Variants in SVIL observed in about 807,000 individuals in gnomAD.
The protein encoded by SVIL is supervillin.
In SVIL, 101 loss-of-function variants were observed where a neutral mutation model predicts 240.4. The observed-to-expected ratio is 0.42, with a 90% confidence interval of 0.36 to 0.50. The LOEUF is 0.50. Among genes scored for constraint, SVIL ranks in the 20% least tolerant of loss-of-function variants. The pLI is 0.01. For missense variants in SVIL, 2,512 were observed against 2,818.7 expected, an observed-to-expected ratio of 0.89 and a Z score of 2.46; for synonymous variants, 999 against 1,100.0, an observed-to-expected ratio of 0.91 and a Z score of 1.82.
At chr10:29,618,394 C>T (rs1325149936) in intron 1 of SVIL, among the ~76,000 whole-genome samples, 1 of 152,180 alleles carries the variant, frequency 6.6e-6, no homozygotes, top group African/African-American at 2.4e-5. Flanking sequence ...CAATATGACA[C>T]CCTGCTGAAG....
intron 1 of SVIL, among the ~76,000 whole-genome samples, chr10:29,731,464 C>A (rs1176251815): frequency 6.6e-6 from 1 of 152,190 alleles, no homozygotes; most frequent in African/African-American, 2.4e-5. Flanking sequence ...TCTGGAGACA[C>A]ATTGTAACTT....
Position 29,484,635 on chromosome 10 carries a change from C to A in SVIL, c.4955+21G>T, listed in dbSNP as rs1270352038. Reference sequence around the variant, plus strand: ...GAATCAGCTCGCTTGAAGAGCTGTCCCCGGGCGGCGGCAGGAGTACCTGGG... The same window carrying A: ...GAATCAGCTCGCTTGAAGAGCTGTCACCGGGCGGCGGCAGGAGTACCTGGG... On this transcript the variant is annotated intron_variant, in intron 27 of 37. Transcript: ENST00000355867. This position sits in a 1 kb window ranked among gnomAD's most constrained non-coding sequence, Gnocchi z 4.7. 2 of 1,600,452 alleles carry A rather than the reference C, an allele frequency of 1.2e-6. No homozygotes were observed.
chr10:29,716,392 C>A (rs1963612496), intron 1 of SVIL, among the ~76,000 whole-genome samples: 1 of 151,972 alleles, frequency 6.6e-6, no homozygotes, highest in African/African-American at 2.4e-5. Context: ...AGCCTTAGGA[C>A]TGATACAAAA....
At chr10:29,637,388 A>T (rs1245460047), upstream of SVIL, among the ~76,000 whole-genome samples, 1 of 152,064 alleles carries the variant, frequency 6.6e-6, no homozygotes, top group African/African-American at 2.4e-5. Context: ...TAGGGAGGCT[A>T]AGGCAGGAGC....
chr10:29,486,126 A>G lies in SVIL; in HGVS notation c.4738T>C (p.Trp1580Arg). ...AGGGAGCACTTCGGAATTTTCCCCCAGTAGTCGTCATCAGGAACAAGTTTG... is the reference window on the plus strand; with the variant it reads ...AGGGAGCACTTCGGAATTTTCCCCCGGTAGTCGTCATCAGGAACAAGTTTG... ...DDKLVPDDDYWGKIPKCSLLQ... is the reference protein window; with the variant it reads ...DDKLVPDDDYRGKIPKCSLLQ... The change falls in exon 26 of 38, where the codon TGG (tryptophan) becomes CGG (arginine). Residue 1580 changes from tryptophan to arginine, a missense_variant. Coordinates refer to ENST00000355867, the MANE Select transcript of SVIL (RefSeq NM_021738.3). The G allele has an allele frequency of 6.2e-7, 1 of 1,614,224 alleles. No homozygotes were observed. The highest frequency in any genetic ancestry group is 8.5e-7 in the Non-Finnish European group (1 of 1,180,036).
chr10:29,575,217 C>A (rs191079452), intron 1 of SVIL: 1 of 154,234 alleles, frequency 6.5e-6, no homozygotes, highest in African/African-American at 2.4e-5. Context: ...ATGTGGTGTC[C>A]AGTCCACTTT....
At chr10:29,526,713 T>C (rs1479966407) in intron 13 of SVIL, among the ~76,000 whole-genome samples, 1 of 152,204 alleles carries the variant, frequency 6.6e-6, no homozygotes, top group South Asian at 2.1e-4. Flanking sequence ...AGCAACTGGA[T>C]ACGTGAGTTA....
intron 17 of SVIL, among the ~76,000 whole-genome samples, chr10:29,510,320 A>G (rs1460703415): frequency 6.6e-6 from 1 of 152,174 alleles, no homozygotes; most frequent in African/African-American, 2.4e-5. Context: ...GACATCCTTT[A>G]TCGTACTTTT....
At chr10:29,530,503 C>G in intron 11 of SVIL, 104 bp downstream of exon 11, 1 of 1,327,838 alleles carries the variant, frequency 7.5e-7, no homozygotes, top group Non-Finnish European at 1.1e-6. Context: ...CCAGGCTGGT[C>G]TCAAACTCCT....
At chr10:29,470,570 C>T in intron 31 of SVIL, 87 bp from the exon 32 acceptor site, 1 of 1,483,336 alleles carries the variant, frequency 6.7e-7, no homozygotes, top group African/African-American at 1.4e-5. Flanking sequence ...CTGTGTCGTC[C>T]AAGGCAGCCA....
intron 2 of SVIL, among the ~76,000 whole-genome samples, chr10:29,677,746 C>T (rs1960307701): frequency 6.6e-6 from 1 of 152,112 alleles, no homozygotes; most frequent in South Asian, 2.1e-4. Flanking sequence ...TGGCCACTTA[C>T]TGTCGGATTC....
chr10:29,553,778 T>C (rs1019093927), intron 5 of SVIL, among the ~76,000 whole-genome samples: 3 of 152,192 alleles, frequency 2.0e-5, no homozygotes, highest in South Asian at 4.1e-4. Flanking sequence ...TAATATGAAA[T>C]AAATATGCAA....
chr10:29,500,057 C>T lies in SVIL; in HGVS notation c.3517-794G>A, dbSNP rs75434506. Reference sequence around the variant, plus strand: ...GCAGGAGGGGAAGGGGAAGAAGCTACAGGGGACTCAAAGGGCATCAGGAAA... The same window carrying T: ...GCAGGAGGGGAAGGGGAAGAAGCTATAGGGGACTCAAAGGGCATCAGGAAA... On this transcript the variant is annotated intron_variant, in intron 17 of 37. Transcript: ENST00000355867. Among the ~76,000 whole-genome samples, 1,626 of 151,998 alleles carry T rather than the reference C, an allele frequency of 0.011. 150 individuals carry two copies. In the East Asian group the frequency reaches 0.21, roughly 20 times the overall value.
At chr10:29,659,632 C>T (rs970319722) in intron 2 of SVIL, among the ~76,000 whole-genome samples, 10 of 151,964 alleles carry the variant, frequency 6.6e-5, no homozygotes, top group South Asian at 2.1e-4. Flanking sequence ...GTGATGGGTG[C>T]GGGGTCAAAG....
In SVIL at chr10:29,556,163, T is replaced by C. The variant is rs141882087; in HGVS notation, c.-50-1055A>G. 8.9e-3 allele frequency among the ~76,000 whole-genome samples: 1,349 copies of C among 152,240 alleles called. 23 individuals carry two copies. Among genetic ancestry groups the C allele is most frequent in the African/African-American group, 0.031 (1,270 of 41,538 alleles). On this transcript the variant is annotated intron_variant, in intron 3 of 37. Transcript: ENST00000355867. ...CCAGACAACTGTTTCTTTGGAGAAA[T>C]GGCCAAAGTTCATGGAGAATAAAGG...
intron 1 of SVIL, among the ~76,000 whole-genome samples, chr10:29,708,633 G>C (rs547345746): frequency 1.5e-4 from 23 of 152,190 alleles, no homozygotes; most frequent in African/African-American, 5.1e-4. Context: ...AAAAGAAAAA[G>C]AAAACAAAAG....
At chr10:29,714,181 G>T (rs1003285075) in intron 1 of SVIL, among the ~76,000 whole-genome samples, 7 of 152,194 alleles carry the variant, frequency 4.6e-5, no homozygotes, top group African/African-American at 1.7e-4. Context: ...GGTTGTTGCT[G>T]CCATTTCAGA....
intron 3 of SVIL, among the ~76,000 whole-genome samples, chr10:29,646,161 A>T (rs1300248494): frequency 2.0e-5 from 3 of 152,204 alleles, no homozygotes; most frequent in Non-Finnish European, 4.4e-5. Flanking sequence ...TCCAGGGAAA[A>T]TGACAAGGCA....
chr10:29,724,370 A>AACACACACACACACACACACAC (rs9299624), intron 1 of SVIL, among the ~76,000 whole-genome samples: 5 of 146,148 alleles, frequency 3.4e-5, no homozygotes, highest in African/African-American at 1.3e-4. Flanking sequence ...GAGGATTTAA[A>AACACACACACACACACACACAC]ACACACACAC....
Sources: gnomAD v4.1 joint callset for allele counts (sites outside exome capture counted in the v4.1 genomes callset) on GRCh38, gnomAD v4.1.1 for gene constraint, Gnocchi (gnomAD v3.1) non-coding constraint, MANE v1.5 for transcripts, NCBI Gene and HGNC (gene_info 2026-07-23, HGNC 2026-07-21) for gene names.